The following CDH13 variants were observed in gnomAD, a reference collection of about 807,000 sequenced individuals.
CDH13 encodes cadherin-13.
Under a neutral mutation model 63.8 loss-of-function variants are expected in CDH13, and 24 were observed. The observed-to-expected ratio is 0.38, with a 90% CI of 0.27 to 0.53. The LOEUF (loss-of-function observed/expected upper bound fraction) is 0.53, where lower values mean the gene tolerates loss of function less well. Ranked by LOEUF, CDH13 falls within the 20% of genes least tolerant of loss-of-function variation. The pLI is 0.85. For synonymous variants in CDH13, 503 were observed against 355.3 expected, an observed-to-expected ratio of 1.42 and a Z score of -4.67; for missense variants, 1,049 against 903.1, an observed-to-expected ratio of 1.16 and a Z score of -2.07.
chr16:82,830,522 G>C (rs145123867), intron 1 of CDH13, among the ~76,000 whole-genome samples: 1 of 152,202 alleles, frequency 6.6e-6, no homozygotes, highest in Non-Finnish European at 1.5e-5. Context: ...AGGATCTACA[G>C]TGTCGTTTGC....
At chr16:82,700,054 T>C (rs989325876) in intron 1 of CDH13, among the ~76,000 whole-genome samples, 1 of 149,080 alleles carries the variant, frequency 6.7e-6, no homozygotes. Flanking sequence ...TGGTCTTTAC[T>C]AGGGTGACAC....
intron 6 of CDH13, among the ~76,000 whole-genome samples, chr16:83,474,378 C>A (rs1019407701): frequency 6.6e-6 from 1 of 152,186 alleles, no homozygotes; most frequent in Non-Finnish European, 1.5e-5. Context: ...GAGTCTCCAT[C>A]TGTTCAGCTT....
intron 11 of CDH13, among the ~76,000 whole-genome samples, chr16:83,761,076 T>G (rs1913928539): frequency 6.6e-6 from 1 of 152,192 alleles, no homozygotes; most frequent in Admixed American, 6.5e-5. Flanking sequence ...TTATAACAAT[T>G]TTAAGATGGT....
intron 10 of CDH13, among the ~76,000 whole-genome samples, chr16:83,690,975 G>A (rs1260682260): frequency 6.6e-6 from 1 of 152,056 alleles, no homozygotes; most frequent in Non-Finnish European, 1.5e-5. Context: ...ACCTGCCTCG[G>A]CCTCCCAAAG....
intron 3 of CDH13, among the ~76,000 whole-genome samples, chr16:83,086,422 A>G (rs187277094): frequency 6.6e-6 from 1 of 152,278 alleles, no homozygotes; most frequent in East Asian, 1.9e-4. Context: ...TGGAGTTCTA[A>G]TTAAGACTCA....
At position 83,099,920 on chromosome 16, in the gene CDH13, T is replaced by G. The variant is rs548685736; in HGVS notation, c.367-25465T>G. Among the ~76,000 whole-genome samples the G allele has an allele frequency of 1.9e-4, 29 of 152,258 alleles. 1 individual carries two copies. The South Asian group carries it at 3.5e-3, about 19-fold the overall frequency. On this transcript the variant is annotated intron_variant, in intron 3 of 13. Transcript: ENST00000567109. Reference sequence around the variant, plus strand: ...CTTTCTTCTGCCTGCGAGTTCCCACTTGGTTCATTCAAAGCACCCACACTG... The same window carrying G: ...CTTTCTTCTGCCTGCGAGTTCCCACGTGGTTCATTCAAAGCACCCACACTG...
At chr16:82,743,868 G>A (rs1258141788) in intron 1 of CDH13, among the ~76,000 whole-genome samples, 4 of 152,108 alleles carry the variant, frequency 2.6e-5, no homozygotes, top group Non-Finnish European at 4.4e-5. Flanking sequence ...CTATTCAGGT[G>A]TATGTAATTA....
chr16:83,244,075 G>A (rs8063969), intron 5 of CDH13, among the ~76,000 whole-genome samples: 81,370 of 151,606 alleles, frequency 0.54, 22,647 homozygotes, highest in East Asian at 0.74. Flanking sequence ...ACATACATAG[G>A]TGTCGAGCTT....
At chr16:82,639,443 C>G in intron 1 of CDH13, 1 of 1,534,926 alleles carries the variant, frequency 6.5e-7, no homozygotes, top group East Asian at 2.4e-5. Flanking sequence ...GGGCGTGACC[C>G]ACCTGCAGCT....
At chr16:83,068,399 A>G (rs893507173) in intron 3 of CDH13, among the ~76,000 whole-genome samples, 3 of 152,160 alleles carry the variant, frequency 2.0e-5, no homozygotes, top group Non-Finnish European at 4.4e-5. Flanking sequence ...AGACTCTGTA[A>G]CTTTGGAGAC....
intron 11 of CDH13, among the ~76,000 whole-genome samples, chr16:83,778,764 G>A (rs1915296556): frequency 6.6e-6 from 1 of 152,084 alleles, no homozygotes; most frequent in Non-Finnish European, 1.5e-5. Flanking sequence ...CTGTCCAGCA[G>A]GGTCAGCCAT....
In CDH13 at chr16:83,350,851, C is replaced by T. The variant is rs367980748; in HGVS notation, c.781+5845C>T. Among the ~76,000 whole-genome samples the T allele has an allele frequency of 2.6e-5, 4 of 152,150 alleles. No homozygotes were observed. The East Asian group carries it at 5.8e-4, about 22-fold the overall frequency. On this transcript the variant is annotated intron_variant, in intron 6 of 13. Transcript: ENST00000567109. ...TTGTCTTTTATTTTTCCTCCAGGAT[C>T]CACCTGAGTTCCTTTTCAAGACACA...
chr16:83,394,160 G>A (rs1315761576), intron 6 of CDH13, among the ~76,000 whole-genome samples: 5 of 151,956 alleles, frequency 3.3e-5, no homozygotes, highest in East Asian at 1.9e-4. Flanking sequence ...TAGCACTTTG[G>A]TGAGGAAATA....
At chr16:83,232,338 A>T (rs1026799294) in intron 5 of CDH13, among the ~76,000 whole-genome samples, 8 of 150,522 alleles carry the variant, frequency 5.3e-5, no homozygotes, top group African/African-American at 9.8e-5. Flanking sequence ...CAACCTGGCC[A>T]ACATGGCGAA....
chr16:83,378,991 CTATA>C (rs746691777), intron 6 of CDH13, among the ~76,000 whole-genome samples: 32 of 146,328 alleles, frequency 2.2e-4, no homozygotes, highest in African/African-American at 7.8e-4. Context: ...ACACATGCAT[CTATA>C]TATATATATA....
chr16:83,509,265 A>G (rs1427218762), intron 7 of CDH13, among the ~76,000 whole-genome samples: 10 of 152,344 alleles, frequency 6.6e-5, no homozygotes, highest in African/African-American at 2.4e-4. Flanking sequence ...TATGTGGAAC[A>G]TGCCATGGCC....
chr16:83,342,901 G>C (rs2090759940), intron 5 of CDH13, among the ~76,000 whole-genome samples: 1 of 110,258 alleles, frequency 9.1e-6, no homozygotes, highest in African/African-American at 3.7e-5. Flanking sequence ...GGCTATTTTG[G>C]GAAGATGAAA....
chr16:82,652,656 G>GCTA (rs1248951482), intron 1 of CDH13, among the ~76,000 whole-genome samples: 2 of 149,708 alleles, frequency 1.3e-5, no homozygotes, highest in Non-Finnish European at 3.0e-5. Flanking sequence ...TGCTGCTGCT[G>GCTA]CTGAGGTTGG....
intron 4 of CDH13, among the ~76,000 whole-genome samples, chr16:83,149,527 T>C (rs1217363726): frequency 1.3e-5 from 2 of 152,246 alleles, no homozygotes; most frequent in Admixed American, 6.5e-5. Flanking sequence ...TGGAAACTTA[T>C]CATGTGCTAG....
Sources: gnomAD v4.1 joint callset for allele counts (sites outside exome capture counted in the v4.1 genomes callset) on GRCh38, gnomAD v4.1.1 for gene constraint, MANE v1.5 for transcripts, NCBI Gene and HGNC (gene_info 2026-07-23, HGNC 2026-07-21) for gene names.